Variants in ITPR2 observed in about 807,000 individuals in gnomAD.
ITPR2 encodes the protein inositol 1,4,5-trisphosphate receptor type 2.
In ITPR2, 207 loss-of-function variants were observed where a neutral mutation model predicts 317.1. That is an observed-to-expected ratio of 0.65 (90% CI 0.58 to 0.73). The LOEUF is 0.73. Among genes scored for constraint, ITPR2 ranks in the 30% least tolerant of loss-of-function variants. The probability of loss-of-function intolerance (pLI) is 0.00; values close to 1 mark genes in which losing one functional copy is unlikely to be tolerated. For missense variants in ITPR2, 2,613 were observed against 3,284.0 expected, an observed-to-expected ratio of 0.80 and a Z score of 4.99; for synonymous variants, 1,156 against 1,149.1, an observed-to-expected ratio of 1.01 and a Z score of -0.12.
chr12:26,538,070 A>G (rs909285321), intron 37 of ITPR2, among the ~76,000 whole-genome samples: 2 of 152,256 alleles, frequency 1.3e-5, no homozygotes, highest in Non-Finnish European at 2.9e-5. Context: ...CAGCTTTGCA[A>G]ATTGATATCA....
chr12:26,725,966 A>G, intron 2 of ITPR2: 1 of 438,474 alleles, frequency 2.3e-6, no homozygotes, highest in Non-Finnish European at 4.0e-6. Flanking sequence ...TAAAATATCC[A>G]CTTCTTCATT....
intron 45 of ITPR2, among the ~76,000 whole-genome samples, chr12:26,455,947 C>T (rs147920579): frequency 2.6e-5 from 4 of 152,112 alleles, no homozygotes; most frequent in Non-Finnish European, 5.9e-5. Flanking sequence ...AACATAAAGA[C>T]CCACTTCTCT....
At chr12:26,339,609 T>C (rs1194660064) in intron 56 of ITPR2, 126 bp from the exon 57 acceptor site, 5 of 651,786 alleles carry the variant, frequency 7.7e-6, no homozygotes, top group Non-Finnish European at 1.3e-5. Context: ...AGAATATATT[T>C]ATCAAAAAAG....
chr12:26,542,748 T>C (rs1944294918), intron 37 of ITPR2, among the ~76,000 whole-genome samples: 1 of 152,238 alleles, frequency 6.6e-6, no homozygotes, highest in Non-Finnish European at 1.5e-5. Context: ...TATTGAACTT[T>C]ACTATAAAAA....
intron 45 of ITPR2, among the ~76,000 whole-genome samples, chr12:26,471,335 G>A (rs1271026405): frequency 1.3e-5 from 2 of 152,180 alleles, no homozygotes; most frequent in Non-Finnish European, 2.9e-5. Flanking sequence ...TCTGGACTGT[G>A]TATAGTGACT....
intron 43 of ITPR2, among the ~76,000 whole-genome samples, chr12:26,478,664 AAG>A (rs1285913240): frequency 6.6e-6 from 1 of 152,204 alleles, no homozygotes; most frequent in African/African-American, 2.4e-5. Flanking sequence ...TTGATAGTAT[AAG>A]AGTCTATATA....
intron 30 of ITPR2, 21 bp from the exon 31 acceptor site, chr12:26,597,155 T>C: frequency 6.2e-7 from 1 of 1,612,570 alleles, no homozygotes; most frequent in African/African-American, 1.3e-5. Flanking sequence ...AATAAGAGAG[T>C]CTATGTAGCA....
At chr12:26,533,316 A>G (rs1943994759) in intron 37 of ITPR2, among the ~76,000 whole-genome samples, 1 of 151,796 alleles carries the variant, frequency 6.6e-6, no homozygotes, top group South Asian at 2.1e-4. Flanking sequence ...CAAGAGAAAA[A>G]CCTCTTTTCT....
chr12:26,434,551 AG>A (rs777504682), intron 48 of ITPR2, among the ~76,000 whole-genome samples: 10 of 152,152 alleles, frequency 6.6e-5, no homozygotes, highest in African/African-American at 9.7e-5. Context: ...TGGTCAAGAA[AG>A]GGATATCATG....
At chr12:26,727,257 C>T (rs1948944886) in intron 2 of ITPR2, among the ~76,000 whole-genome samples, 1 of 152,118 alleles carries the variant, frequency 6.6e-6, no homozygotes, top group African/African-American at 2.4e-5. Flanking sequence ...CAGATATTTC[C>T]ATAAGAGTGC....
intron 44 of ITPR2, among the ~76,000 whole-genome samples, 194 bp downstream of exon 44, chr12:26,476,718 A>T (rs3736183): frequency 0.025 from 3,859 of 152,258 alleles, 159 homozygotes; most frequent in East Asian, 0.21. Flanking sequence ...AAACTACTGA[A>T]GTCATAAGGC....
intron 2 of ITPR2, among the ~76,000 whole-genome samples, chr12:26,775,897 C>T (rs1004194426): frequency 1.2e-5 from 1 of 86,332 alleles, no homozygotes; most frequent in African/African-American, 3.1e-5. Flanking sequence ...ACCTTGTGAT[C>T]GTGTCAGTCA....
chr12:26,604,217 C>A (rs1174499185), intron 26 of ITPR2, among the ~76,000 whole-genome samples: 1 of 152,174 alleles, frequency 6.6e-6, no homozygotes, highest in Non-Finnish European at 1.5e-5. Flanking sequence ...CCACGTTGAG[C>A]CAAAACACTC....
chr12:26,599,861 G>A (rs918031587), intron 29 of ITPR2, 126 bp downstream of exon 29: 19 of 690,462 alleles, frequency 2.8e-5, no homozygotes, highest in Non-Finnish European at 3.8e-5. Context: ...CACTTCTGGA[G>A]AGAGAATTTC....
chr12:26,799,853 A>C (rs1481861607), intron 1 of ITPR2, among the ~76,000 whole-genome samples: 1 of 152,184 alleles, frequency 6.6e-6, no homozygotes, highest in East Asian at 1.9e-4. Context: ...ACCAGTTGAG[A>C]TCAATTATTT....
At chr12:26,543,342 A>G (rs1944310392) in intron 37 of ITPR2, among the ~76,000 whole-genome samples, 1 of 152,108 alleles carries the variant, frequency 6.6e-6, no homozygotes, top group African/African-American at 2.4e-5. Context: ...CAGCACACAC[A>G]TACTATCAGA....
At chr12:26,367,855 T>A (rs929473856) in intron 55 of ITPR2, among the ~76,000 whole-genome samples, 4 of 152,224 alleles carry the variant, frequency 2.6e-5, no homozygotes, top group South Asian at 2.1e-4. Flanking sequence ...ACTAATGATA[T>A]CAACAAATTT....
rs1023099022 is a variant in ITPR2, at chr12:26,716,366, C to T, written c.526-124G>A. 2.0e-5 allele frequency: 12 copies of T among 598,632 alleles called. No homozygotes were observed. In the Admixed American group the frequency reaches 2.5e-4, roughly 13 times the overall value. The allele number at this position is 598,632 out of a possible 1,614,324, so 37.1% of individuals were successfully genotyped here. ...TGACATCTGGTCCTTTTATCCTTCA[C>T]ACAAATTTTCATACAATCCTTTTTC... On this transcript the variant is annotated intron_variant, in intron 5 of 56. Coordinates refer to ENST00000381340, the MANE Select transcript of ITPR2 (RefSeq NM_002223.4).
At chr12:26,671,303 G>A (rs1393395540) in intron 13 of ITPR2, among the ~76,000 whole-genome samples, 6 of 152,162 alleles carry the variant, frequency 3.9e-5, no homozygotes, top group Non-Finnish European at 8.8e-5. Flanking sequence ...CAGAGAGAAA[G>A]GTTGGGTTAC....
Sources: allele counts gnomAD v4.1 joint callset (sites outside exome capture counted in the v4.1 genomes callset), GRCh38; gene constraint gnomAD v4.1.1; transcripts MANE v1.5; gene names NCBI Gene and HGNC (gene_info 2026-07-23, HGNC 2026-07-21).